SLC44A5: variants seen among roughly 807,000 people sequenced by gnomAD.
SLC44A5 encodes the protein solute carrier family 44 member 5.
SLC44A5 carries 57 observed loss-of-function variants against 101.8 expected under a neutral mutation model. The observed-to-expected ratio is 0.56, with a 90% confidence interval of 0.45 to 0.70. SLC44A5 has a LOEUF of 0.70. SLC44A5 is among the 30% of genes least tolerant of loss of function. SLC44A5 has a pLI of 0.00. For synonymous variants in SLC44A5, 281 were observed against 290.9 expected (o/e 0.97, Z 0.35); for missense variants, 737 against 853.1 (o/e 0.86, Z 1.70).
chr1:75,215,697 C>T (rs1353575614), intron 19 of SLC44A5, 57 bp downstream of exon 19: 2 of 1,022,574 alleles, frequency 2.0e-6, no homozygotes, highest in Non-Finnish European at 3.1e-6. Flanking sequence ...GCAATGTAGA[C>T]ACAAGGTTTG....
At chr1:75,287,694 A>G (rs993907540) in intron 5 of SLC44A5, among the ~76,000 whole-genome samples, 1 of 152,036 alleles carries the variant, frequency 6.6e-6, no homozygotes, top group African/African-American at 2.4e-5. Context: ...CCTGAGAGCC[A>G]AACTGCAGTA....
chr1:75,684,832 T>C, the SLC44A5 span, among the ~76,000 whole-genome samples: 1 of 152,164 alleles, frequency 6.6e-6, no homozygotes, highest in Non-Finnish European at 1.5e-5. Context: ...GTCTGAAGGA[T>C]GGTGGCCCTC....
At chr1:75,588,211 T>C (rs1570684184) in intron 1 of SLC44A5, among the ~76,000 whole-genome samples, 1 of 121,374 alleles carries the variant, frequency 8.2e-6, no homozygotes, top group South Asian at 2.7e-4. Context: ...AAAGAAGGGA[T>C]GAAGGAAGGA....
intron 2 of SLC44A5, among the ~76,000 whole-genome samples, chr1:75,403,482 G>A (rs957100180): frequency 3.9e-5 from 6 of 152,154 alleles, no homozygotes; most frequent in Non-Finnish European, 7.3e-5. Context: ...CCTCTGGGAC[G>A]AAGCTTCCAG....
At chr1:75,617,996 G>C in the SLC44A5 span, among the ~76,000 whole-genome samples, 3 of 152,130 alleles carry the variant, frequency 2.0e-5, no homozygotes, top group Non-Finnish European at 4.4e-5. Context: ...TTTTACAGAC[G>C]GTGAAATGGG....
At chr1:75,419,996 G>C (rs573149824) in intron 2 of SLC44A5, among the ~76,000 whole-genome samples, 1 of 152,194 alleles carries the variant, frequency 6.6e-6, no homozygotes, top group Admixed American at 6.5e-5. Context: ...CCAAGATGAT[G>C]GAATTAGGAG....
intron 3 of SLC44A5, among the ~76,000 whole-genome samples, chr1:75,358,332 C>A (rs556267488): frequency 2.0e-5 from 3 of 152,024 alleles, no homozygotes; most frequent in Non-Finnish European, 4.4e-5. Flanking sequence ...GTATATTTAA[C>A]CTTTAGCTAT....
At chr1:75,551,715 T>A (rs960740986) in intron 1 of SLC44A5, among the ~76,000 whole-genome samples, 2 of 152,050 alleles carry the variant, frequency 1.3e-5, no homozygotes, top group Non-Finnish European at 2.9e-5. Context: ...AAATGACACA[T>A]ACACTGTATC....
At chr1:75,702,259 T>C in the SLC44A5 span, among the ~76,000 whole-genome samples, 2 of 152,128 alleles carry the variant, frequency 1.3e-5, no homozygotes, top group African/African-American at 4.8e-5. Context: ...CTTCAAACTA[T>C]ACTACAAGGC....
At chr1:75,222,175 C>T (rs1226985916) in intron 14 of SLC44A5, among the ~76,000 whole-genome samples, 186 bp downstream of exon 14, 3 of 151,966 alleles carry the variant, frequency 2.0e-5, no homozygotes, top group Non-Finnish European at 4.4e-5. Flanking sequence ...AGGCTGGTCT[C>T]GAACTCCCGA....
intron 4 of SLC44A5, among the ~76,000 whole-genome samples, chr1:75,301,575 TAC>T (rs1654452410): frequency 6.6e-6 from 1 of 152,230 alleles, no homozygotes; most frequent in Admixed American, 6.5e-5. Flanking sequence ...CTTGAGGGCA[TAC>T]AGATATGCCC....
intron 2 of SLC44A5, among the ~76,000 whole-genome samples, chr1:75,473,491 G>A (rs182195516): frequency 1.3e-5 from 2 of 152,268 alleles, no homozygotes; most frequent in Non-Finnish European, 2.9e-5. Flanking sequence ...TGAGGTAGGC[G>A]ATGGGGTTTT....
chr1:75,407,521 C>A (rs948025875), intron 2 of SLC44A5, among the ~76,000 whole-genome samples: 2 of 152,078 alleles, frequency 1.3e-5, no homozygotes, highest in East Asian at 3.9e-4. Flanking sequence ...ATATATGGAC[C>A]AATGGAACAG....
At chr1:75,621,766 T>C in the SLC44A5 span, among the ~76,000 whole-genome samples, 1 of 152,142 alleles carries the variant, frequency 6.6e-6, no homozygotes, top group Non-Finnish European at 1.5e-5. Flanking sequence ...AATATTCACC[T>C]CAGCTGAGGT....
chr1:75,282,427 T>G (rs982624028), intron 5 of SLC44A5, among the ~76,000 whole-genome samples: 1 of 152,176 alleles, frequency 6.6e-6, no homozygotes, highest in Non-Finnish European at 1.5e-5. Context: ...GGACTTGGAC[T>G]TTTGGGTTAA....
intron 3 of SLC44A5, among the ~76,000 whole-genome samples, chr1:75,377,011 C>T (rs992985590): frequency 2.4e-4 from 36 of 152,068 alleles, no homozygotes; most frequent in African/African-American, 7.7e-4. Flanking sequence ...AACCAAGGCT[C>T]GAGAACTACG....
At chr1:75,703,367 G>A in the SLC44A5 span, among the ~76,000 whole-genome samples, 25 of 151,946 alleles carry the variant, frequency 1.6e-4, no homozygotes, top group African/African-American at 3.1e-4. Context: ...GTACGGACAC[G>A]GATGAAGCTG....
chr1:75,627,668 C>T, the SLC44A5 span, among the ~76,000 whole-genome samples: 1 of 151,566 alleles, frequency 6.6e-6, no homozygotes, highest in South Asian at 2.1e-4. Context: ...ACCAACAGAG[C>T]AAGACCACAT....
chr1:75,415,428 T>C (rs1663577616), intron 2 of SLC44A5, among the ~76,000 whole-genome samples: 1 of 152,216 alleles, frequency 6.6e-6, no homozygotes, highest in Non-Finnish European at 1.5e-5. Flanking sequence ...TCCTCAGCCA[T>C]GTGGAACTAA....
Sources: gnomAD v4.1 joint callset for allele counts (sites outside exome capture counted in the v4.1 genomes callset) on GRCh38, gnomAD v4.1.1 for gene constraint, MANE v1.5 for transcripts, NCBI Gene and HGNC (gene_info 2026-07-23, HGNC 2026-07-21) for gene names.